The following PRR11 variants were observed in gnomAD, a reference collection of about 807,000 sequenced individuals.
PRR11 encodes proline-rich protein 11.
PRR11 carries 30 observed loss-of-function variants against 45.6 expected under a neutral mutation model. That is an observed-to-expected ratio of 0.66 (90% CI 0.49 to 0.89). The LOEUF (loss-of-function observed/expected upper bound fraction) is 0.89. Among genes scored for constraint, PRR11 ranks in the 40% least tolerant of loss-of-function variants. PRR11 has a pLI of 0.00. For synonymous variants in PRR11, 128 were observed against 153.5 expected (o/e 0.83, Z 1.23); for missense variants, 373 against 424.8 (o/e 0.88, Z 1.07).
rs2046849075 is a variant in PRR11 at position 59,193,493 on chromosome 17, C to G, written c.404C>G (p.Thr135Ser). Residue 135 changes from threonine (T) to serine (S), a missense_variant and splice_region_variant, in exon 5 of 10, where the codon ACC becomes AGC. Transcript: ENST00000262293. ...GCCAAATGTGATGTCTTCTTCCAGA[C>G]CATCTCAGAAAGTTCTTCCTGTCCA... The part of the protein sequence containing the change: ...KLCKLQEALK[T>S]ISESSSCPSC... 3 of 1,614,018 alleles carry G rather than the reference C, an allele frequency of 1.9e-6. No individual in the cohort carries two copies. In the Admixed American group the frequency reaches 5.0e-5, roughly 27 times the overall value.
intron 2 of PRR11, among the ~76,000 whole-genome samples, chr17:59,173,715 A>G (rs901472087): frequency 2.6e-5 from 4 of 152,208 alleles, no homozygotes; most frequent in Non-Finnish European, 5.9e-5. Context: ...CGGTGAAACC[A>G]AGAACCCACC....
chr17:59,190,104 TCTC>T (rs1205033935), intron 4 of PRR11, among the ~76,000 whole-genome samples: 9 of 152,194 alleles, frequency 5.9e-5, no homozygotes, highest in African/African-American at 2.2e-4. Context: ...TCATGACTTT[TCTC>T]CTATTTCAGC....
At chr17:59,165,530 C>T (rs1031922304) in intron 1 of PRR11, among the ~76,000 whole-genome samples, 58 of 152,012 alleles carry the variant, frequency 3.8e-4, no homozygotes, top group African/African-American at 9.6e-4. Context: ...CAGTGGCTGA[C>T]GCCTGTAATC....
chr17:59,171,262 CAA>C (rs1009849108), intron 2 of PRR11, among the ~76,000 whole-genome samples: 2 of 123,454 alleles, frequency 1.6e-5, no homozygotes, highest in African/African-American at 3.0e-5. Context: ...GACTCCGTCT[CAA>C]AAAAAAAAAA....
At chr17:59,194,939 C>G in intron 6 of PRR11, 84 bp downstream of exon 6, 1 of 1,116,080 alleles carries the variant, frequency 9.0e-7, no homozygotes, top group Non-Finnish European at 1.3e-6. Flanking sequence ...TTTGGGAGAC[C>G]AAGGTGGGAG....
In PRR11 at chr17:59,179,836, C is replaced by A. The variant is rs181479104; in HGVS notation, c.129-5218C>A. 1.3e-4 allele frequency: 169 copies of A among 1,348,072 alleles called. No homozygotes were observed. The African/African-American group carries it at 1.9e-3, about 15-fold the overall frequency. The allele number at this position is 1,348,072 out of a possible 1,614,324, so 83.5% of individuals were successfully genotyped here. ...CGTCCGACCACTCCCTCTTCCTTTT[C>A]CAGCAAAGGGACCCACACAGGGGGC... is the stretch of plus-strand genomic sequence containing the variant. On this transcript the variant is annotated intron_variant, in intron 2 of 9. Coordinates refer to ENST00000262293, the MANE Select transcript of PRR11 (RefSeq NM_018304.4).
chr17:59,166,252 A>G (rs1033359964), intron 1 of PRR11, among the ~76,000 whole-genome samples: 2 of 152,204 alleles, frequency 1.3e-5, no homozygotes, highest in Admixed American at 1.3e-4. Flanking sequence ...TTAAAGGCCA[A>G]TTGTTCCCAT....
At chr17:59,192,400 T>C (rs1678969296) in intron 4 of PRR11, among the ~76,000 whole-genome samples, 1 of 152,238 alleles carries the variant, frequency 6.6e-6, no homozygotes, top group South Asian at 2.1e-4. Context: ...GATAATTTGT[T>C]ACAGCAGGCA....
chr17:59,174,987 G>T, intron 2 of PRR11: 1 of 759,636 alleles, frequency 1.3e-6, no homozygotes, highest in Non-Finnish European at 2.2e-6. Context: ...GGAAACCCAA[G>T]CCCTCCAGCG....
chr17:59,191,521 T>C (rs2046840820), intron 4 of PRR11, among the ~76,000 whole-genome samples: 1 of 152,112 alleles, frequency 6.6e-6, no homozygotes, highest in Non-Finnish European at 1.5e-5. Context: ...ACCCAGCTAA[T>C]GTTTCTTGAT....
chr17:59,188,982 T>C (rs1410999137), intron 4 of PRR11, among the ~76,000 whole-genome samples: 1 of 141,270 alleles, frequency 7.1e-6, no homozygotes, highest in Non-Finnish European at 1.6e-5. Flanking sequence ...TAATACATTA[T>C]TAAATTAAGT....
Position 59,197,524 on chromosome 17 carries a change from T to G in PRR11, c.858-20T>G, listed in dbSNP as rs1292507513. On this transcript the variant is annotated intron_variant, in intron 7 of 9. Coordinates refer to ENST00000262293, the MANE Select transcript of PRR11 (RefSeq NM_018304.4). ...CCTCAGCCTCCCAAAGTTCTAATTT[T>G]TATATCTTTGTTTTATCAGCACTCC... The G allele has an allele frequency of 1.9e-6, 3 of 1,610,678 alleles. No individual in the cohort carries two copies. The highest frequency in any genetic ancestry group is 2.5e-6 in the Non-Finnish European group (3 of 1,177,278).
chr17:59,179,926 T>A lies in PRR11; in HGVS notation c.129-5128T>A, dbSNP rs2046771801. On this transcript the variant is annotated intron_variant, in intron 2 of 9. Coordinates refer to ENST00000262293, the MANE Select transcript of PRR11 (RefSeq NM_018304.4). ...CTGTATAATGCTTCTGCAATTGAAC[T>A]CCTTAGAGCCAGACCCAAAACGCCA... is the stretch of plus-strand genomic sequence containing the variant. The A allele has an allele frequency of 4.6e-6, 6 of 1,298,004 alleles. No homozygotes were observed. The South Asian group carries it at 7.1e-5, about 15-fold the overall frequency. 80.4% of individuals were successfully genotyped at this position (1,298,004 alleles called of 1,614,324 possible). A position where few individuals can be genotyped will look rare whatever the true frequency, so the allele number is the denominator to read the frequency against.
At chr17:59,201,266 A>G (rs189109959) in intron 9 of PRR11, among the ~76,000 whole-genome samples, 61 of 152,302 alleles carry the variant, frequency 4.0e-4, no homozygotes, top group African/African-American at 1.3e-3. Context: ...CTGTTCTTCC[A>G]TCCTTAATGT....
chr17:59,169,715 T>C, intron 1 of PRR11, 33 bp from the exon 2 acceptor site: 1 of 1,518,028 alleles, frequency 6.6e-7, no homozygotes. Flanking sequence ...TATATTATTC[T>C]TCAATTAAAA....
chr17:59,193,765 G>C (rs888020675), intron 5 of PRR11, 31 bp downstream of exon 5: 1 of 1,606,006 alleles, frequency 6.2e-7, no homozygotes, highest in Non-Finnish European at 8.5e-7. Flanking sequence ...GATATGTTTT[G>C]ATATGTTTTG....
chr17:59,191,617 C>T (rs918383974), intron 4 of PRR11, among the ~76,000 whole-genome samples: 1 of 152,148 alleles, frequency 6.6e-6, no homozygotes, highest in African/African-American at 2.4e-5. Flanking sequence ...TGCCTTCCTG[C>T]TGTTGCTAAT....
chr17:59,167,220 G>A (rs2046684422), intron 1 of PRR11, among the ~76,000 whole-genome samples: 1 of 152,112 alleles, frequency 6.6e-6, no homozygotes, highest in Admixed American at 6.6e-5. Flanking sequence ...GGTACACAGT[G>A]ATGTTTTGAT....
intron 2 of PRR11, among the ~76,000 whole-genome samples, chr17:59,177,824 T>G (rs1405117058): frequency 6.6e-6 from 1 of 152,124 alleles, no homozygotes; most frequent in Non-Finnish European, 1.5e-5. Context: ...TAGAACAACC[T>G]GGGCAACATA....
Sources: allele counts gnomAD v4.1 joint callset (sites outside exome capture counted in the v4.1 genomes callset), GRCh38; gene constraint gnomAD v4.1.1; transcripts MANE v1.5; gene names NCBI Gene and HGNC (gene_info 2026-07-23, HGNC 2026-07-21).